RBFOX1: variants seen among roughly 807,000 people sequenced by gnomAD.
RBFOX1 encodes RNA binding protein fox-1 homolog 1.
RBFOX1 carries 8 observed loss-of-function variants against 57.7 expected under a neutral mutation model. The observed-to-expected ratio is 0.14, with a 90% CI of 0.08 to 0.25. The LOEUF (loss-of-function observed/expected upper bound fraction) is 0.25. RBFOX1 is among the 10% of genes least tolerant of loss of function. RBFOX1 has a pLI of 1.00. For synonymous variants in RBFOX1, 326 were observed against 222.4 expected (o/e 1.47, Z -4.15); for missense variants, 611 against 548.5 (o/e 1.11, Z -1.14).
rs532920866 is a variant in RBFOX1, at chr16:6,470,274, A to G, written c.-64+153217A>G. Among the ~76,000 whole-genome samples the G allele has an allele frequency of 1.8e-4, 27 of 152,252 alleles. 1 individual carries two copies. The highest frequency in any genetic ancestry group is 6.3e-4 in the African/African-American group (26 of 41,568). On this transcript the variant is annotated intron_variant, in intron 2 of 15. Coordinates refer to ENST00000550418, the MANE Select transcript of RBFOX1 (RefSeq NM_018723.4). ...TTAACAAGTAACATTTGATCCAGGC[A>G]TTTTTACAGTAACAGTTTGTTATTG...
At chr16:5,479,055 C>G (rs1334786423) in intron 2 of RBFOX1, among the ~76,000 whole-genome samples, 1 of 152,214 alleles carries the variant, frequency 6.6e-6, no homozygotes. Flanking sequence ...AACTTGCCAT[C>G]TGTTCCCTTC....
At chr16:7,459,083 T>A (rs1283257254) in intron 4 of RBFOX1, among the ~76,000 whole-genome samples, 1 of 151,968 alleles carries the variant, frequency 6.6e-6, no homozygotes, top group Non-Finnish European at 1.5e-5. Context: ...GGTGAGTGGA[T>A]GGATGGATGA....
At chr16:6,675,326 G>T (rs1179554458) in intron 3 of RBFOX1, among the ~76,000 whole-genome samples, 1 of 152,130 alleles carries the variant, frequency 6.6e-6, no homozygotes, top group Non-Finnish European at 1.5e-5. Flanking sequence ...AAATGTAGGT[G>T]CTCTTGCAAA....
chr16:7,513,635 G>C (rs373494245), intron 4 of RBFOX1, among the ~76,000 whole-genome samples: 33 of 152,126 alleles, frequency 2.2e-4, no homozygotes, highest in East Asian at 9.6e-4. Flanking sequence ...TGACAAAACT[G>C]TCTCCAGTCA....
intron 1 of RBFOX1, among the ~76,000 whole-genome samples, chr16:5,301,492 G>A (rs1185718562): frequency 6.6e-6 from 1 of 151,826 alleles, no homozygotes; most frequent in African/African-American, 2.4e-5. Flanking sequence ...GGTGGCAGGC[G>A]CCTGTAGTCC....
chr16:7,501,229 C>T (rs1473626198), intron 4 of RBFOX1, among the ~76,000 whole-genome samples: 1 of 152,148 alleles, frequency 6.6e-6, no homozygotes, highest in Admixed American at 6.5e-5. Context: ...TACTTGTTTC[C>T]TCTGCTTATT....
At chr16:6,792,464 CTG>C (rs1200265028) in intron 3 of RBFOX1, among the ~76,000 whole-genome samples, 3 of 152,146 alleles carry the variant, frequency 2.0e-5, no homozygotes, top group Admixed American at 6.5e-5. Context: ...TCCAGAAAGA[CTG>C]GGGTGAGATG....
intron 3 of RBFOX1, among the ~76,000 whole-genome samples, chr16:6,858,825 A>C (rs1256453817): frequency 2.0e-5 from 3 of 152,026 alleles, no homozygotes; most frequent in Non-Finnish European, 2.9e-5. Flanking sequence ...TGCTGGTTAG[A>C]AGTATAATCT....
At chr16:5,263,064 C>T (rs2062773482) in intron 1 of RBFOX1, among the ~76,000 whole-genome samples, 1 of 151,364 alleles carries the variant, frequency 6.6e-6, no homozygotes, top group Non-Finnish European at 1.5e-5. Context: ...CTAACAATGG[C>T]AGGGTGACGG....
At chr16:5,701,788 T>A (rs1177785538) in intron 3 of RBFOX1, among the ~76,000 whole-genome samples, 1 of 152,194 alleles carries the variant, frequency 6.6e-6, no homozygotes, top group African/African-American at 2.4e-5. Context: ...GTCCGTGGCA[T>A]CCTTGAAAAA....
Position 6,448,492 on chromosome 16 carries a change from G to A in RBFOX1, c.-64+131435G>A, listed in dbSNP as rs2094532130. Among the ~76,000 whole-genome samples the A allele has an allele frequency of 1.3e-5, 2 of 151,922 alleles. 1 individual carries two copies. The highest frequency in any genetic ancestry group is 4.2e-4 in the South Asian group (2 of 4,798). ...CAACCACAGCAGTTTTGACATTTCG[G>A]GCTAGATGAATTTATTTTAGGTATG... On this transcript the variant is annotated intron_variant, in intron 2 of 15. Coordinates refer to ENST00000550418, the MANE Select transcript of RBFOX1 (RefSeq NM_018723.4).
chr16:5,967,424 A>G (rs746043339), intron 4 of RBFOX1, among the ~76,000 whole-genome samples: 6 of 152,142 alleles, frequency 3.9e-5, no homozygotes, highest in Non-Finnish European at 8.8e-5. Flanking sequence ...TTAACCCGGT[A>G]TTGGAATCAG....
chr16:6,900,248 C>T (rs964205872), intron 3 of RBFOX1, among the ~76,000 whole-genome samples: 3 of 152,178 alleles, frequency 2.0e-5, no homozygotes, highest in East Asian at 1.9e-4. Flanking sequence ...TCAAACATCC[C>T]ATCATAATAT....
At chr16:7,488,434 A>AT (rs1203587031) in intron 4 of RBFOX1, among the ~76,000 whole-genome samples, 1 of 19,866 alleles carries the variant, frequency 5.0e-5, no homozygotes, top group Non-Finnish European at 5.4e-3. Context: ...ATCTGCTATC[A>AT]TTCTTTCGTT....
intron 2 of RBFOX1, among the ~76,000 whole-genome samples, chr16:6,525,917 C>G (rs975043019): frequency 1.8e-4 from 28 of 151,888 alleles, no homozygotes; most frequent in South Asian, 8.3e-4. Context: ...ATGCCTGTGT[C>G]TGCTACAAGC....
intron 3 of RBFOX1, among the ~76,000 whole-genome samples, chr16:6,668,382 G>T (rs1032934229): frequency 6.6e-6 from 1 of 152,222 alleles, no homozygotes; most frequent in African/African-American, 2.4e-5. Flanking sequence ...ACAGAATCTG[G>T]CATCTGAGGA....
intron 3 of RBFOX1, among the ~76,000 whole-genome samples, chr16:6,938,799 G>T (rs1026689624): frequency 2.0e-5 from 3 of 152,138 alleles, no homozygotes; most frequent in African/African-American, 7.2e-5. Flanking sequence ...GGGTGTGGTG[G>T]GTTGTGCCTG....
chr16:5,564,905 C>T (rs889293425), intron 2 of RBFOX1, among the ~76,000 whole-genome samples: 9 of 152,000 alleles, frequency 5.9e-5, no homozygotes, highest in South Asian at 4.2e-4. Flanking sequence ...GGTGAGATGC[C>T]GGTGGAACAC....
Position 6,208,677 on chromosome 16 carries a change from A to T in RBFOX1, c.-126-108318A>T, listed in dbSNP as rs181882523. 2.2e-4 allele frequency among the ~76,000 whole-genome samples: 34 copies of T among 152,316 alleles called. No individual in the cohort carries two copies. The East Asian group carries it at 6.0e-3, about 27-fold the overall frequency. ...AATCGTTCTGCAATTTAGAAATTCA[A>T]ATGAATGGCCACTGCTTTAAAGAGT... is the stretch of plus-strand genomic sequence containing the variant. On this transcript the variant is annotated intron_variant, in intron 1 of 15. Coordinates refer to ENST00000550418, the MANE Select transcript of RBFOX1 (RefSeq NM_018723.4).
Sources: allele counts gnomAD v4.1 joint callset (sites outside exome capture counted in the v4.1 genomes callset), GRCh38; gene constraint gnomAD v4.1.1; transcripts MANE v1.5; gene names NCBI Gene and HGNC (gene_info 2026-07-23, HGNC 2026-07-21).